PALM2AKAP2: variants seen among roughly 807,000 people sequenced by gnomAD.
The protein encoded by PALM2AKAP2 is PALM2 and AKAP2 fusion, also known as PALM2-AKAP2 fusion protein.
A neutral mutation model predicts 71.5 loss-of-function variants in PALM2AKAP2; 37 were observed. The ratio of observed to expected loss-of-function variants is 0.52; its 90% CI spans 0.40 to 0.68. PALM2AKAP2 has a LOEUF of 0.68. Ranked by LOEUF, PALM2AKAP2 falls within the 30% of genes least tolerant of loss-of-function variation. PALM2AKAP2 has a pLI of 0.00. For synonymous variants in PALM2AKAP2, 468 were observed against 478.8 expected (o/e 0.98, Z 0.29); for missense variants, 1,224 against 1,191.8 (o/e 1.03, Z -0.40).
chr9:109,664,233 G>T (rs1207738876), intron 1 of PALM2AKAP2, among the ~76,000 whole-genome samples: 4 of 152,166 alleles, frequency 2.6e-5, no homozygotes, highest in Non-Finnish European at 5.9e-5. Flanking sequence ...CTGTCATTAT[G>T]ATATTTGCTG....
At chr9:109,659,578 T>C (rs998481949) in intron 1 of PALM2AKAP2, among the ~76,000 whole-genome samples, 2 of 152,194 alleles carry the variant, frequency 1.3e-5, no homozygotes, top group African/African-American at 2.4e-5. Flanking sequence ...TTCTACACCA[T>C]AGTATATTAT....
chr9:109,803,272 T>C (rs768457760), intron 1 of PALM2AKAP2, among the ~76,000 whole-genome samples: 10 of 152,210 alleles, frequency 6.6e-5, no homozygotes, highest in Non-Finnish European at 1.2e-4. Flanking sequence ...CACAAATCCT[T>C]TTGCTAGCTT....
intron 6 of PALM2AKAP2, among the ~76,000 whole-genome samples, chr9:109,971,991 G>A (rs1401669680): frequency 6.6e-6 from 1 of 152,202 alleles, no homozygotes; most frequent in Non-Finnish European, 1.5e-5. Flanking sequence ...TTCCACCAGA[G>A]TTCGTCTCTC....
At chr9:110,087,246 T>A (rs1285808431) in intron 1 of PALM2AKAP2, among the ~76,000 whole-genome samples, 1 of 152,228 alleles carries the variant, frequency 6.6e-6, no homozygotes, top group Non-Finnish European at 1.5e-5. Flanking sequence ...TCCCCTTTTG[T>A]GCTCTCCATC....
chr9:109,820,249 T>C (rs1827961996), intron 1 of PALM2AKAP2, among the ~76,000 whole-genome samples: 1 of 152,234 alleles, frequency 6.6e-6, no homozygotes, highest in African/African-American at 2.4e-5. Context: ...GAGGCAAACA[T>C]GCCAATGTGA....
chr9:109,995,931 T>A (rs1343571360), intron 6 of PALM2AKAP2, among the ~76,000 whole-genome samples: 1 of 152,222 alleles, frequency 6.6e-6, no homozygotes, highest in Non-Finnish European at 1.5e-5. Flanking sequence ...GGAAAGATAC[T>A]GCAGGTCCCA....
intron 5 of PALM2AKAP2, among the ~76,000 whole-genome samples, chr9:109,928,251 A>G (rs1831001230): frequency 6.6e-6 from 1 of 152,156 alleles, no homozygotes; most frequent in Admixed American, 6.5e-5. Flanking sequence ...TACAGGTATC[A>G]GCCACCGCAT....
intron 1 of PALM2AKAP2, among the ~76,000 whole-genome samples, chr9:109,657,730 G>A (rs979254477): frequency 1.3e-5 from 2 of 152,024 alleles, no homozygotes; most frequent in Non-Finnish European, 1.5e-5. Context: ...ATGATAGTTG[G>A]GTGTTTGCTG....
chr9:110,136,586 C>T (rs1397043074), exon 2 of PALM2AKAP2: 2 of 1,613,622 alleles, frequency 1.2e-6, no homozygotes, highest in African/African-American at 1.3e-5. Flanking sequence ...TCACATCGAG[C>T]TCAGTAATAG....
intron 6 of PALM2AKAP2, among the ~76,000 whole-genome samples, chr9:110,013,373 T>C (rs753387946): frequency 1.3e-5 from 2 of 152,246 alleles, no homozygotes; most frequent in Non-Finnish European, 2.9e-5. Context: ...CATCTGATTG[T>C]CCATCATGCC....
chr9:110,052,252 G>T (rs991844588), intron 1 of PALM2AKAP2, among the ~76,000 whole-genome samples: 6 of 152,150 alleles, frequency 3.9e-5, no homozygotes, highest in Admixed American at 1.3e-4. Context: ...CAGAATTTCT[G>T]TAAAGCTAAA....
intron 1 of PALM2AKAP2, among the ~76,000 whole-genome samples, chr9:110,120,884 C>T (rs1052701778): frequency 2.0e-5 from 3 of 151,666 alleles, no homozygotes; most frequent in Admixed American, 6.6e-5. Flanking sequence ...GTGGGGAGGG[C>T]GAAGGCCGGG....
At chr9:109,968,485 G>A (rs887148166) in intron 6 of PALM2AKAP2, among the ~76,000 whole-genome samples, 4 of 152,160 alleles carry the variant, frequency 2.6e-5, no homozygotes, top group African/African-American at 2.4e-5. Context: ...CTCCGAAGAC[G>A]TCTAGCTATA....
At chr9:109,717,965 A>G (rs555916874) in intron 1 of PALM2AKAP2, among the ~76,000 whole-genome samples, 11 of 152,384 alleles carry the variant, frequency 7.2e-5, no homozygotes, top group African/African-American at 2.4e-4. Context: ...AAGGGAGGCC[A>G]TAAACTTTGG....
At chr9:109,835,738 C>T (rs1032879384) in intron 1 of PALM2AKAP2, among the ~76,000 whole-genome samples, 7 of 152,294 alleles carry the variant, frequency 4.6e-5, no homozygotes, top group South Asian at 2.1e-4. Flanking sequence ...TTATATCCTG[C>T]GCCTGGCTCA....
intron 1 of PALM2AKAP2, among the ~76,000 whole-genome samples, chr9:109,734,366 T>TA (rs1187462255): frequency 1.3e-5 from 2 of 152,210 alleles, no homozygotes; most frequent in African/African-American, 4.8e-5. Context: ...ATATTGAAAC[T>TA]AACATTGAAC....
intron 1 of PALM2AKAP2, among the ~76,000 whole-genome samples, chr9:110,109,963 T>C (rs1284137737): frequency 1.3e-5 from 2 of 151,972 alleles, no homozygotes; most frequent in African/African-American, 4.8e-5. Context: ...TGGGGAGATA[T>C]TGGTCAATGG....
intron 1 of PALM2AKAP2, among the ~76,000 whole-genome samples, chr9:109,687,231 C>G (rs1490508325): frequency 6.6e-6 from 1 of 152,140 alleles, no homozygotes; most frequent in Non-Finnish European, 1.5e-5. Context: ...GCTATATTAG[C>G]CCCCAAAAAG....
chr9:109,916,938 C>T (rs968980211), intron 3 of PALM2AKAP2, among the ~76,000 whole-genome samples: 1 of 152,146 alleles, frequency 6.6e-6, no homozygotes, highest in East Asian at 1.9e-4. Flanking sequence ...ACAGGCTAAG[C>T]CTCAGAACCT....
Sources: allele counts gnomAD v4.1 joint callset (sites outside exome capture counted in the v4.1 genomes callset), GRCh38; gene constraint gnomAD v4.1.1; transcripts MANE v1.5; gene names NCBI Gene and HGNC (gene_info 2026-07-23, HGNC 2026-07-21).